Variants in PRKN observed in about 807,000 individuals in gnomAD.
PRKN encodes parkin RBR E3 ubiquitin protein ligase.
PRKN carries 56 observed loss-of-function variants against 59.5 expected under a neutral mutation model. The ratio of observed to expected loss-of-function variants is 0.94; its 90% CI spans 0.76 to 1.18. The LOEUF is 1.18. PRKN is among the 50% of genes most tolerant of loss of function. The pLI is 0.00. For missense variants in PRKN, 657 were observed against 596.4 expected, an observed-to-expected ratio of 1.10 and a Z score of -1.06; for synonymous variants, 250 against 222.1, an observed-to-expected ratio of 1.13 and a Z score of -1.12.
chr6:162,239,660 C>T (rs377416890), intron 3 of PRKN, among the ~76,000 whole-genome samples: 11 of 152,050 alleles, frequency 7.2e-5, no homozygotes, highest in African/African-American at 1.9e-4. Flanking sequence ...CTATGTTCAG[C>T]GTAAGAGCAA....
At chr6:162,487,391 CTGTG>C (rs1242188287) in intron 1 of PRKN, among the ~76,000 whole-genome samples, 2 of 152,176 alleles carry the variant, frequency 1.3e-5, no homozygotes, top group African/African-American at 2.4e-5. Flanking sequence ...TTTTCTGAGG[CTGTG>C]TGTATCTCCC....
intron 7 of PRKN, among the ~76,000 whole-genome samples, chr6:161,571,370 A>C (rs1296348938): frequency 6.6e-6 from 1 of 152,242 alleles, no homozygotes; most frequent in Non-Finnish European, 1.5e-5. Context: ...AGGACATATC[A>C]ACTAAATTAT....
intron 4 of PRKN, among the ~76,000 whole-genome samples, chr6:162,081,787 A>G (rs954611913): frequency 2.6e-5 from 4 of 152,138 alleles, no homozygotes; most frequent in African/African-American, 9.7e-5. Flanking sequence ...AGAAAGTCCT[A>G]GATAGCATCT....
intron 6 of PRKN, among the ~76,000 whole-genome samples, chr6:161,869,014 C>T (rs902464055): frequency 2.0e-5 from 3 of 152,152 alleles, no homozygotes; most frequent in Non-Finnish European, 4.4e-5. Flanking sequence ...TAATGTGAAC[C>T]TCACTGGAAC....
intron 7 of PRKN, among the ~76,000 whole-genome samples, chr6:161,619,301 T>C (rs1325706296): frequency 7.1e-6 from 1 of 141,074 alleles, no homozygotes; most frequent in Non-Finnish European, 1.5e-5. Context: ...AAGGCCACCA[T>C]AGGGAAAGTC....
intron 4 of PRKN, among the ~76,000 whole-genome samples, chr6:162,162,214 G>A (rs927188461): frequency 1.3e-5 from 2 of 152,132 alleles, no homozygotes; most frequent in African/African-American, 4.8e-5. Context: ...CTCCTGACTA[G>A]CTGGGATTAC....
intron 9 of PRKN, among the ~76,000 whole-genome samples, chr6:161,504,875 T>C (rs1182682304): frequency 6.7e-6 from 1 of 150,070 alleles, no homozygotes; most frequent in Non-Finnish European, 1.5e-5. Context: ...TATGGCTGCA[T>C]AGTATTCCAT....
chr6:162,697,913 G>T (rs1778024837), intron 1 of PRKN, among the ~76,000 whole-genome samples: 1 of 152,158 alleles, frequency 6.6e-6, no homozygotes, highest in East Asian at 1.9e-4. Context: ...GGAGTACTGA[G>T]TTGAAGAAGT....
intron 9 of PRKN, among the ~76,000 whole-genome samples, chr6:161,424,595 T>C (rs535754535): frequency 1.2e-4 from 19 of 152,232 alleles, no homozygotes; most frequent in African/African-American, 4.3e-4. Context: ...ACTCAGGGCA[T>C]TGGGGCCACC....
In PRKN at chr6:161,556,214, A is replaced by G. The variant is rs190348680; in HGVS notation, c.934-7211T>C. On this transcript the variant is annotated intron_variant, in intron 8 of 11. Coordinates refer to ENST00000366898, the MANE Select transcript of PRKN (RefSeq NM_004562.3). The stretch of plus-strand genomic sequence containing the variant: ...TATTGTTATTTATTTTGTTTATGAT[A>G]AACTCAAGAGCATTTGAGCATACAA... Among the ~76,000 whole-genome samples, 85 of 152,344 alleles carry G rather than the reference A, an allele frequency of 5.6e-4. 1 individual carries two copies. The highest frequency in any genetic ancestry group is 2.1e-3 in the Admixed American group (32 of 15,302).
chr6:161,928,693 T>A (rs1471102441), intron 6 of PRKN, among the ~76,000 whole-genome samples: 1 of 152,130 alleles, frequency 6.6e-6, no homozygotes, highest in African/African-American at 2.4e-5. Flanking sequence ...GCTGACCTAG[T>A]GAGGTAGGTG....
chr6:162,367,015 C>T (rs985505576), intron 2 of PRKN, among the ~76,000 whole-genome samples: 1 of 152,106 alleles, frequency 6.6e-6, no homozygotes, highest in East Asian at 1.9e-4. Flanking sequence ...AATCTCATCT[C>T]GAATTGTAGT....
At chr6:162,402,295 C>T (rs1228243395) in intron 2 of PRKN, among the ~76,000 whole-genome samples, 1 of 151,432 alleles carries the variant, frequency 6.6e-6, no homozygotes, top group Non-Finnish European at 1.5e-5. Flanking sequence ...TTCCGATAAG[C>T]AGTATTATTC....
chr6:162,423,612 A>G (rs1789084020), intron 2 of PRKN, among the ~76,000 whole-genome samples: 1 of 152,112 alleles, frequency 6.6e-6, no homozygotes, highest in Admixed American at 6.5e-5. Context: ...TATCTGTGGT[A>G]TCTTTGCAGT....
intron 4 of PRKN, among the ~76,000 whole-genome samples, chr6:162,094,359 C>A (rs975710448): frequency 6.6e-6 from 1 of 152,114 alleles, no homozygotes; most frequent in African/African-American, 2.4e-5. Context: ...TGGCACGCAT[C>A]TGTGGTCTCA....
intron 10 of PRKN, among the ~76,000 whole-genome samples, chr6:161,383,233 T>C (rs1786074245): frequency 6.6e-6 from 1 of 152,134 alleles, no homozygotes; most frequent in African/African-American, 2.4e-5. Context: ...TCTATGAAAA[T>C]AAAAGCCCTT....
intron 1 of PRKN, among the ~76,000 whole-genome samples, chr6:162,668,350 C>T (rs896852477): frequency 1.2e-4 from 18 of 152,220 alleles, no homozygotes; most frequent in African/African-American, 4.3e-4. Context: ...ATCTACTTTA[C>T]CTTGTCATTG....
intron 7 of PRKN, among the ~76,000 whole-genome samples, chr6:161,613,943 G>A (rs145698261): frequency 1.3e-5 from 2 of 152,146 alleles, no homozygotes; most frequent in Admixed American, 1.3e-4. Context: ...CTGCTCTGTG[G>A]GGCTCTGGAG....
intron 6 of PRKN, among the ~76,000 whole-genome samples, chr6:161,831,181 A>G (rs1792483866): frequency 6.6e-6 from 1 of 152,246 alleles, no homozygotes. Context: ...GATGCAAACA[A>G]CTGGAGAAAC....
Sources: allele counts gnomAD v4.1 joint callset (sites outside exome capture counted in the v4.1 genomes callset), GRCh38; gene constraint gnomAD v4.1.1; transcripts MANE v1.5; gene names NCBI Gene and HGNC (gene_info 2026-07-23, HGNC 2026-07-21).